The following SAR1B variants were observed in gnomAD, a reference collection of about 807,000 sequenced individuals.
The protein encoded by SAR1B is small COPII coat GTPase SAR1B.
In SAR1B, 23 loss-of-function variants were observed where a neutral mutation model predicts 26.8. The observed-to-expected ratio is 0.86, with a 90% confidence interval of 0.62 to 1.22. SAR1B has a LOEUF of 1.22. Among genes scored for constraint, SAR1B ranks in the 50% most tolerant of loss-of-function variants. The pLI, the probability that SAR1B is intolerant of heterozygous loss-of-function variation, is 0.00. For synonymous variants in SAR1B, 65 were observed against 80.8 expected, an observed-to-expected ratio of 0.80 and a Z score of 1.05; for missense variants, 196 against 232.8, an observed-to-expected ratio of 0.84 and a Z score of 1.03.
intron 3 of SAR1B, chr5:134,614,016 T>G (rs1233247565): frequency 6.6e-6 from 1 of 152,192 alleles, no homozygotes; most frequent in African/African-American, 2.4e-5. Flanking sequence ...CAGTGAAATT[T>G]CCATTTCAGG....
At chr5:134,616,130 G>GAA (rs1765312055) in intron 3 of SAR1B, among the ~76,000 whole-genome samples, 1 of 113,764 alleles carries the variant, frequency 8.8e-6, no homozygotes. Context: ...ACTCCATCTC[G>GAA]GAAAAAAAAA....
chr5:134,617,708 G>A (rs1032651693), intron 3 of SAR1B, among the ~76,000 whole-genome samples: 2 of 152,012 alleles, frequency 1.3e-5, no homozygotes, highest in African/African-American at 4.8e-5. Context: ...TCGAGACAGA[G>A]TCTCCCTCTG....
At position 134,607,073 on chromosome 5, in the gene SAR1B, T is replaced by A; in HGVS notation, c.481-7A>T. ...CTTTCAGAGATATACTCCCCTAGAA[T>A]AGAAGAGAGACATTTCGTTGGAATT... On this transcript the variant is annotated splice_region_variant and splice_polypyrimidine_tract_variant and intron_variant, in intron 6 of 6. Coordinates refer to ENST00000402673, the MANE Select transcript of SAR1B (RefSeq NM_016103.4). 2 of 1,532,318 alleles carry A rather than the reference T, an allele frequency of 1.3e-6. No homozygotes were observed. The highest frequency in any genetic ancestry group is 1.8e-6 in the Non-Finnish European group (2 of 1,105,308). 94.9% of individuals were successfully genotyped at this position (1,532,318 alleles called of 1,614,324 possible).
At position 134,602,714 on chromosome 5, in the gene SAR1B, C is replaced by T. The variant is rs1222301392; in HGVS notation, c.*4236G>A. 3.3e-5 allele frequency: 5 copies of T among 151,934 alleles called. No individual in the cohort carries two copies. The highest frequency in any genetic ancestry group is 1.9e-4 in the East Asian group (1 of 5,186). 9.4% of individuals were successfully genotyped at this position (151,934 alleles called of 1,614,324 possible). ...GCCAAATAATGAAACCCTGTCTCTA[C>T]TAAAAATACAAAAATTAACTGGGCA... On this transcript the variant is annotated 3_prime_UTR_variant, in exon 7 of 7. Coordinates refer to ENST00000402673, the MANE Select transcript of SAR1B (RefSeq NM_016103.4).
At chr5:134,619,018 T>A (rs549233216) in intron 3 of SAR1B, among the ~76,000 whole-genome samples, 2 of 143,046 alleles carry the variant, frequency 1.4e-5, no homozygotes, top group Non-Finnish European at 3.0e-5. Context: ...AAAAAAAAAA[T>A]TAGAGTCATT....
chr5:134,626,455 CAG>C (rs1453781938), intron 1 of SAR1B, among the ~76,000 whole-genome samples: 1 of 151,604 alleles, frequency 6.6e-6, no homozygotes, highest in Admixed American at 6.6e-5. Context: ...TAGCTGCAAA[CAG>C]ATACCTGAGC....
At chr5:134,611,089 C>T (rs1214139001) in intron 4 of SAR1B, among the ~76,000 whole-genome samples, 1 of 152,112 alleles carries the variant, frequency 6.6e-6, no homozygotes, top group Admixed American at 6.6e-5. Flanking sequence ...TCTTGAACTC[C>T]TGGCTTCAAG....
rs746460315 is a variant in SAR1B, at chr5:134,620,909, C to T, written c.178+24G>A. The T allele has an allele frequency of 3.1e-6, 5 of 1,612,900 alleles. No homozygotes were observed. The African/African-American group carries it at 5.3e-5, about 17-fold the overall frequency. On this transcript the variant is annotated intron_variant, in intron 3 of 6. Coordinates refer to ENST00000402673, the MANE Select transcript of SAR1B (RefSeq NM_016103.4). ...CTCAGCATCATTTGATCAAGTATCA[C>T]ATTGTATGTAGGAATATACTTACTG...
rs1765069287 is a variant in SAR1B, at chr5:134,603,208, T to G, written c.*3742A>C. 6.6e-6 allele frequency: 1 copy of G among 152,220 alleles called. No homozygotes were observed. Among genetic ancestry groups the G allele is most frequent in the Non-Finnish European group, 1.5e-5 (1 of 68,040 alleles). The allele number at this position is 152,220 out of a possible 1,614,324, so 9.4% of individuals were successfully genotyped here. ...TTCTCAGTGCACTCTGGTCAAATTT[T>G]ACTTGGCAATAAATCCTTGCAAACG... On this transcript the variant is annotated 3_prime_UTR_variant, in exon 7 of 7. Transcript: ENST00000402673.
chr5:134,624,180 G>A (rs1049824475), intron 1 of SAR1B, 143 bp from the exon 2 acceptor site: 3 of 655,422 alleles, frequency 4.6e-6, no homozygotes, highest in Non-Finnish European at 8.4e-6. Flanking sequence ...AAGCTGAGGT[G>A]GGTGGATCAT....
rs185051786 is a variant in SAR1B, at chr5:134,609,424, C to A, written c.348+147G>T. Reference sequence around the variant, plus strand: ...CCCTCTGCATTCTAAGTAATCACTACTTAAAGCAATCACTGAGCTCAACAA... The same window carrying A: ...CCCTCTGCATTCTAAGTAATCACTAATTAAAGCAATCACTGAGCTCAACAA... On this transcript the variant is annotated intron_variant, in intron 5 of 6. Coordinates refer to ENST00000402673, the MANE Select transcript of SAR1B (RefSeq NM_016103.4). The A allele has an allele frequency of 4.2e-4, 297 of 702,324 alleles. 2 individuals carry two copies. In the African/African-American group the frequency reaches 4.4e-3, roughly 10 times the overall value. 43.5% of individuals were successfully genotyped at this position (702,324 alleles called of 1,614,324 possible). A position where few individuals can be genotyped will look rare whatever the true frequency, so the allele number is the denominator to read the frequency against.
intron 4 of SAR1B, among the ~76,000 whole-genome samples, chr5:134,610,372 G>A (rs764228274): frequency 1.3e-5 from 2 of 152,050 alleles, no homozygotes; most frequent in Non-Finnish European, 2.9e-5. Context: ...ACTTTGGGAG[G>A]CTGAGGCAGG....
At chr5:134,620,634 G>A (rs1462629303) in intron 3 of SAR1B, among the ~76,000 whole-genome samples, 1 of 152,206 alleles carries the variant, frequency 6.6e-6, no homozygotes, top group Non-Finnish European at 1.5e-5. Context: ...GCTGAGAGAG[G>A]CTGATCACTT....
rs1428242470 is a variant in SAR1B at position 134,602,758 on chromosome 5, A to T, written c.*4192T>A. ...CTGGGCATGGTGTGGTGCACCTGTA[A>T]TCCCAGCTACTCGGGATGGTGAGGC... is the stretch of plus-strand genomic sequence containing the variant. On this transcript the variant is annotated 3_prime_UTR_variant, in exon 7 of 7. Transcript: ENST00000402673. The T allele has an allele frequency of 6.6e-6, 1 of 152,174 alleles. No individual in the cohort carries two copies. The highest frequency in any genetic ancestry group is 1.9e-4 in the East Asian group (1 of 5,188). 9.4% of individuals were successfully genotyped at this position (152,174 alleles called of 1,614,324 possible).
At chr5:134,614,096 A>T (rs989948848) in intron 3 of SAR1B, 7 of 152,344 alleles carry the variant, frequency 4.6e-5, no homozygotes, top group African/African-American at 1.4e-4. Context: ...ACTTGAGCCC[A>T]GGAGTTCGAG....
Position 134,606,802 on chromosome 5 carries a change from T to C in SAR1B, c.*148A>G, listed in dbSNP as rs7728741. On this transcript the variant is annotated 3_prime_UTR_variant, in exon 7 of 7. Transcript: ENST00000402673. ...TACTTGAATCAGTTTTCAATTCTCATTCAAATTAAGTTGATTTAATATTAA... is the reference window on the plus strand; with the variant it reads ...TACTTGAATCAGTTTTCAATTCTCACTCAAATTAAGTTGATTTAATATTAA... 0.16 allele frequency: 105,891 copies of C among 682,524 alleles called. 9,813 individuals carry two copies. Among genetic ancestry groups the C allele is most frequent in the East Asian group, 0.35 (12,377 of 35,418 alleles). 42.3% of individuals were successfully genotyped at this position (682,524 alleles called of 1,614,324 possible).
At chr5:134,630,184 G>C (rs191919721) in intron 1 of SAR1B, among the ~76,000 whole-genome samples, 1 of 151,920 alleles carries the variant, frequency 6.6e-6, no homozygotes, top group African/African-American at 2.4e-5. Context: ...GGCTGGGGGA[G>C]GTGGCTCACG....
chr5:134,602,068 TGAA>T lies in SAR1B; in HGVS notation c.*4879_*4881del, dbSNP rs1765042322. 1 of 152,236 alleles carries T rather than the reference TGAA, an allele frequency of 6.6e-6. No homozygotes were observed. The highest frequency in any genetic ancestry group is 1.5e-5 in the Non-Finnish European group (1 of 68,060). 9.4% of individuals were successfully genotyped at this position (152,236 alleles called of 1,614,324 possible). Reference sequence around the variant, plus strand: ...CAAACAAACAAACAAAAAAGTATGCTGAAGAAGAATCCATCTACTCCAGTGCAG... The same window carrying T: ...CAAACAAACAAACAAAAAAGTATGCTGAAGAATCCATCTACTCCAGTGCAG... On this transcript the variant is annotated 3_prime_UTR_variant, in exon 7 of 7. Coordinates refer to ENST00000402673, the MANE Select transcript of SAR1B (RefSeq NM_016103.4).
rs540956579 is a variant in SAR1B at position 134,605,879 on chromosome 5, A to C, written c.*1071T>G. ...CAGAACAAGCTGTTTTATTCCTCAG[A>C]TATACATGTCTCTACAATGAAACTG... On this transcript the variant is annotated 3_prime_UTR_variant, in exon 7 of 7. Transcript: ENST00000402673. 117 of 152,332 alleles carry C rather than the reference A, an allele frequency of 7.7e-4. 1 individual carries two copies. Among genetic ancestry groups the C allele is most frequent in the African/African-American group, 2.7e-3 (111 of 41,578 alleles). 9.4% of individuals were successfully genotyped at this position (152,332 alleles called of 1,614,324 possible).
Sources: allele counts gnomAD v4.1 joint callset (sites outside exome capture counted in the v4.1 genomes callset), GRCh38; gene constraint gnomAD v4.1.1; transcripts MANE v1.5; gene names NCBI Gene and HGNC (gene_info 2026-07-23, HGNC 2026-07-21).